The following SOS1 variants were observed in gnomAD, a reference collection of about 807,000 sequenced individuals.
SOS1 encodes the protein SOS Ras/Rac guanine nucleotide exchange factor 1.
Under a neutral mutation model 157.6 loss-of-function variants are expected in SOS1, and 25 were observed. The observed-to-expected ratio is 0.16, with a 90% confidence interval of 0.12 to 0.22. The LOEUF is 0.22. Ranked by LOEUF, SOS1 falls within the 10% of genes least tolerant of loss-of-function variation. SOS1 has a pLI of 1.00. For synonymous variants in SOS1, 528 were observed against 534.0 expected, an observed-to-expected ratio of 0.99 and a Z score of 0.16; for missense variants, 1,237 against 1,599.1, an observed-to-expected ratio of 0.77 and a Z score of 3.86.
chr2:39,051,485 T>C (rs1671015180), intron 5 of SOS1, 198 bp from the exon 6 acceptor site: 2 of 536,960 alleles, frequency 3.7e-6, no homozygotes, highest in Non-Finnish European at 3.3e-6. Context: ...AATACATTTC[T>C]CTAGGTCAGT....
At chr2:39,006,894 C>T (rs1669297949) in intron 16 of SOS1, 137 bp downstream of exon 16, 2 of 693,352 alleles carry the variant, frequency 2.9e-6, no homozygotes, top group Non-Finnish European at 5.0e-6. Flanking sequence ...CATTACAAAA[C>T]TTAGATAATT....
intron 21 of SOS1, 134 bp downstream of exon 21, chr2:38,989,136 C>A: frequency 1.5e-6 from 1 of 652,790 alleles, no homozygotes. Flanking sequence ...CAAGTGAAGG[C>A]CTCACTTCTA....
At chr2:39,020,385 T>C (rs1045268691) in intron 10 of SOS1, among the ~76,000 whole-genome samples, 2 of 151,734 alleles carry the variant, frequency 1.3e-5, no homozygotes, top group East Asian at 1.9e-4. Flanking sequence ...TCGTGTCTTA[T>C]AGTATTCATT....
intron 1 of SOS1, among the ~76,000 whole-genome samples, chr2:39,093,151 G>T (rs1572887167): frequency 6.6e-6 from 1 of 152,128 alleles, no homozygotes; most frequent in African/African-American, 2.4e-5. Context: ...GATCTTGAAA[G>T]ATAGGCACTA....
At chr2:38,986,339 A>G (rs1345002211) in intron 22 of SOS1, 24 bp from the exon 23 acceptor site, 2 of 1,583,516 alleles carry the variant, frequency 1.3e-6, no homozygotes, top group Admixed American at 3.4e-5. Flanking sequence ...AGAATAAAAT[A>G]CACATTTATT....
At chr2:39,017,880 C>T (rs1314754548) in intron 10 of SOS1, among the ~76,000 whole-genome samples, 3 of 151,800 alleles carry the variant, frequency 2.0e-5, no homozygotes, top group Non-Finnish European at 2.9e-5. Flanking sequence ...CACACCATGT[C>T]GCTAACCACT....
intron 6 of SOS1, among the ~76,000 whole-genome samples, chr2:39,037,453 T>G: frequency 6.6e-6 from 1 of 152,216 alleles, no homozygotes; most frequent in East Asian, 1.9e-4. Flanking sequence ...AACTATAATA[T>G]TCTACTGTAT....
At chr2:39,080,212 A>T (rs1463832353) in intron 1 of SOS1, among the ~76,000 whole-genome samples, 1 of 152,076 alleles carries the variant, frequency 6.6e-6, no homozygotes, top group Non-Finnish European at 1.5e-5. Flanking sequence ...GTGACAGATC[A>T]TCAGGCATTA....
At position 39,120,359 on chromosome 2, in the gene SOS1, G is replaced by A. The variant is rs773916713; in HGVS notation, c.64C>T (p.Leu22=). The A allele has an allele frequency of 6.3e-7, 1 of 1,594,048 alleles. No homozygotes were observed. Among genetic ancestry groups the A allele is most frequent in the South Asian group, 1.1e-5 (1 of 89,190 alleles). ...SEENAPKWRG[L]LVPALKKVQG... ...ACCTTTTTCAGCGCAGGCACCAGTA[G>A]TCCCCGCCACTTGGGCGCGTTCTCT... is the stretch of plus-strand genomic sequence containing the variant. The change falls in exon 1 of 23, where the codon CTA becomes TTA. Residue 22 remains leucine (L), a synonymous_variant. Transcript: ENST00000402219.
Position 39,046,766 on chromosome 2 carries a change from G to C in SOS1, c.864+4378C>G, listed in dbSNP as rs374033290. ...GACCTGCCCACCTTGGCCTCCCAAA[G>C]TGCTGGGATTACAGGTGCAAGCCAC... On this transcript the variant is annotated intron_variant, in intron 6 of 22. Coordinates refer to ENST00000402219, the MANE Select transcript of SOS1 (RefSeq NM_005633.4). Among the ~76,000 whole-genome samples, 5 of 152,112 alleles carry C rather than the reference G, an allele frequency of 3.3e-5. No homozygotes were observed. The East Asian group carries it at 9.6e-4, about 29-fold the overall frequency.
At chr2:39,053,487 G>A (rs1313654124) in intron 5 of SOS1, among the ~76,000 whole-genome samples, 1 of 152,164 alleles carries the variant, frequency 6.6e-6, no homozygotes, top group East Asian at 1.9e-4. Context: ...TAGAAACCAT[G>A]CAGTGTGTCC....
intron 1 of SOS1, among the ~76,000 whole-genome samples, chr2:39,085,643 T>A (rs1015878840): frequency 1.3e-5 from 2 of 152,224 alleles, no homozygotes; most frequent in African/African-American, 4.8e-5. Context: ...ATACAACCAC[T>A]TCACAGTAAA....
At chr2:39,008,987 C>G (rs1652007261) in intron 15 of SOS1, among the ~76,000 whole-genome samples, 1 of 151,918 alleles carries the variant, frequency 6.6e-6, no homozygotes, top group Non-Finnish European at 1.5e-5. Flanking sequence ...GTGGAAGGAA[C>G]AGAAACTGCC....
rs189998182 is a variant in SOS1, at chr2:39,097,997, C to A, written c.87+22339G>T. On this transcript the variant is annotated intron_variant, in intron 1 of 22. Coordinates refer to ENST00000402219, the MANE Select transcript of SOS1 (RefSeq NM_005633.4). ...TTAGGAAATGTTTATATCAATACAG[C>A]AAAACTAAATTTTAGAAACACTGGG... is the stretch of plus-strand genomic sequence containing the variant. Among the ~76,000 whole-genome samples, 26 of 152,180 alleles carry A rather than the reference C, an allele frequency of 1.7e-4. No homozygotes were observed. In the East Asian group the frequency reaches 4.0e-3, roughly 24 times the overall value.
At chr2:39,049,037 C>T (rs1283194922) in intron 6 of SOS1, among the ~76,000 whole-genome samples, 1 of 152,000 alleles carries the variant, frequency 6.6e-6, no homozygotes, top group Non-Finnish European at 1.5e-5. Context: ...CCTGCCTCAG[C>T]GTCCCGAGTA....
rs978926641 is a variant in SOS1, at chr2:38,983,532, A to T, written c.*2292T>A. On this transcript the variant is annotated 3_prime_UTR_variant, in exon 23 of 23. Coordinates refer to ENST00000402219, the MANE Select transcript of SOS1 (RefSeq NM_005633.4). Reference sequence around the variant, plus strand: ...AATAGGATTAGAACTCCAAATCTGAATTTTTCCTCTTTATAGACTAGATAG... The same window carrying T: ...AATAGGATTAGAACTCCAAATCTGATTTTTTCCTCTTTATAGACTAGATAG... 1.5e-4 allele frequency: 23 copies of T among 151,554 alleles called. No individual in the cohort carries two copies. Among genetic ancestry groups the T allele is most frequent in the African/African-American group, 5.6e-4 (23 of 41,322 alleles). 9.4% of individuals were successfully genotyped at this position (151,554 alleles called of 1,614,324 possible). A position where few individuals can be genotyped will look rare whatever the true frequency, so the allele number is the denominator to read the frequency against.
At position 39,022,829 on chromosome 2, in the gene SOS1, C is replaced by T; in HGVS notation, c.1599G>A (p.Glu533=). ...TCAATGCTGCCATCCAATTGTTTTT[C>T]TCTTCAGCTGACTTGGCAGAAAATA... ...SVIFSAKSAE[E]KNNWMAALIS... Residue 533 remains glutamate (E), a synonymous_variant, in exon 10 of 23, where the codon GAG becomes GAA. Transcript: ENST00000402219. 6.2e-7 allele frequency: 1 copy of T among 1,613,654 alleles called. No homozygotes were observed.
intron 3 of SOS1, 56 bp from the exon 4 acceptor site, chr2:39,056,922 C>A (rs751923250): frequency 5.2e-5 from 63 of 1,220,258 alleles, no homozygotes; most frequent in Non-Finnish European, 7.6e-5. Context: ...ATTTAACACA[C>A]TGATTAAAAA....
chr2:39,052,549 G>A (rs891114203), intron 5 of SOS1, among the ~76,000 whole-genome samples: 1 of 152,076 alleles, frequency 6.6e-6, no homozygotes, highest in Non-Finnish European at 1.5e-5. Flanking sequence ...TTAAATAAAT[G>A]GAATCATATA....
Sources: gnomAD v4.1 joint callset for allele counts (sites outside exome capture counted in the v4.1 genomes callset) on GRCh38, gnomAD v4.1.1 for gene constraint, MANE v1.5 for transcripts, NCBI Gene and HGNC (gene_info 2026-07-23, HGNC 2026-07-21) for gene names.